TJP1: variants seen among roughly 807,000 people sequenced by gnomAD.
The protein encoded by TJP1 is tight junction protein ZO-1.
In TJP1, 43 loss-of-function variants were observed where a neutral mutation model predicts 194.2. The ratio of observed to expected loss-of-function variants is 0.22; its 90% CI spans 0.17 to 0.29. The LOEUF is 0.29. Ranked by LOEUF, TJP1 falls within the 10% of genes least tolerant of loss-of-function variation. The pLI is 1.00. For missense variants in TJP1, 1,971 were observed against 2,185.7 expected, an observed-to-expected ratio of 0.90 and a Z score of 1.96; for synonymous variants, 801 against 779.0, an observed-to-expected ratio of 1.03 and a Z score of -0.47.
At chr15:29,802,158 C>G (rs2048832269) in intron 1 of TJP1, among the ~76,000 whole-genome samples, 1 of 152,056 alleles carries the variant, frequency 6.6e-6, no homozygotes, top group Non-Finnish European at 1.5e-5. Context: ...TCAGAGTTAT[C>G]AAAAGGTAAA....
chr15:29,722,225 C>G (rs1036863516), intron 18 of TJP1, among the ~76,000 whole-genome samples: 1 of 152,140 alleles, frequency 6.6e-6, no homozygotes, highest in African/African-American at 2.4e-5. Flanking sequence ...ATTTTGGAGG[C>G]CTATGCGGCA....
intron 1 of TJP1, among the ~76,000 whole-genome samples, chr15:29,802,105 G>A (rs956544540): frequency 2.6e-5 from 4 of 151,906 alleles, no homozygotes; most frequent in African/African-American, 9.7e-5. Context: ...TATGAAACTG[G>A]GACTCCTAAA....
chr15:29,726,712 AAC>A, intron 17 of TJP1, 67 bp downstream of exon 17: 2 of 1,435,536 alleles, frequency 1.4e-6, no homozygotes, highest in Non-Finnish European at 1.9e-6. Flanking sequence ...TGAACACCGT[AAC>A]ATTTTGGCCT....
chr15:29,956,314 T>C, exon 2 of TJP1: 1 of 1,289,114 alleles, frequency 7.8e-7, no homozygotes, highest in African/African-American at 1.5e-5. Context: ...GGGTTTTCCT[T>C]GGCTGACACT....
At chr15:29,745,353 G>T (rs2044700264) in intron 8 of TJP1, among the ~76,000 whole-genome samples, 1 of 146,990 alleles carries the variant, frequency 6.8e-6, no homozygotes. Flanking sequence ...AAAATTTCCT[G>T]AATTAAGATA....
At chr15:29,833,881 A>ATT (rs10650949) in intron 2 of TJP1, among the ~76,000 whole-genome samples, 11 of 12,618 alleles carry the variant, frequency 8.7e-4, no homozygotes, top group Admixed American at 1.3e-3. Flanking sequence ...ATATATATAT[A>ATT]TTTTTTTTTT....
intron 1 of TJP1, among the ~76,000 whole-genome samples, chr15:29,807,154 G>T (rs1197174075): frequency 1.3e-5 from 2 of 152,146 alleles, no homozygotes; most frequent in Admixed American, 6.6e-5. Context: ...GGAAACAAAT[G>T]ATGAGATGGA....
At chr15:29,847,108 A>G (rs951604354) in intron 2 of TJP1, among the ~76,000 whole-genome samples, 1 of 151,986 alleles carries the variant, frequency 6.6e-6, no homozygotes, top group Non-Finnish European at 1.5e-5. Context: ...TTACTTGTTT[A>G]TTTAATTTTT....
At chr15:29,824,202 G>C (rs1185267316), upstream of TJP1, 1 of 147,458 alleles carries the variant, frequency 6.8e-6, no homozygotes, top group Admixed American at 6.9e-5. Context: ...CCCAGCACTT[G>C]AGAGGCCAAG....
rs1449852261 is a variant in TJP1 at position 29,796,710 on chromosome 15, T to C, written c.84+3936A>G. Among the ~76,000 whole-genome samples, 6 of 152,148 alleles carry C rather than the reference T, an allele frequency of 3.9e-5. No individual in the cohort carries two copies. The East Asian group carries it at 1.2e-3, about 29-fold the overall frequency. Reference sequence around the variant, plus strand: ...AATTTATACAGAAAGGCAAAGGAGCTAGAATAGCCAAAATAATTTTAAAAA... The same window carrying C: ...AATTTATACAGAAAGGCAAAGGAGCCAGAATAGCCAAAATAATTTTAAAAA... On this transcript the variant is annotated intron_variant, in intron 2 of 27. Coordinates refer to ENST00000614355, the MANE Select transcript of TJP1 (RefSeq NM_001330239.4).
intron 23 of TJP1, among the ~76,000 whole-genome samples, chr15:29,712,730 C>T (rs2042314723): frequency 6.8e-6 from 1 of 147,686 alleles, no homozygotes; most frequent in Admixed American, 6.8e-5. Flanking sequence ...TAATAGTGAG[C>T]AAAGAAATTT....
intron 8 of TJP1, 111 bp downstream of exon 8, chr15:29,761,028 T>C: frequency 1.6e-6 from 2 of 1,284,232 alleles, no homozygotes; most frequent in Non-Finnish European, 2.1e-6. Context: ...ACAGATCTAA[T>C]CTTGAATAAT....
At position 29,820,582 on chromosome 15, in the gene TJP1, T is replaced by TA. The variant is rs1300964273; in HGVS notation, c.27+1419dup. On this transcript the variant is annotated intron_variant, in intron 1 of 27. Transcript: ENST00000614355. ...TCTCTCCATACTTGAAATAACCTCT[T>TA]AAAAAGTGTGTTGTCTTGCATATTA... 5.6e-6 allele frequency: 4 copies of TA among 716,602 alleles called. No individual in the cohort carries two copies. The Admixed American group carries it at 8.0e-5, about 14-fold the overall frequency. The allele number at this position is 716,602 out of a possible 1,614,324, so 44.4% of individuals were successfully genotyped here.
At chr15:29,800,893 AG>A (rs2048739338) in intron 1 of TJP1, among the ~76,000 whole-genome samples, 191 bp from the exon 2 acceptor site, 1 of 152,240 alleles carries the variant, frequency 6.6e-6, no homozygotes, top group South Asian at 2.1e-4. Context: ...AACGACACAC[AG>A]GAACTTCCTT....
At chr15:29,784,787 T>C (rs36098166) in intron 2 of TJP1, among the ~76,000 whole-genome samples, 1 of 152,174 alleles carries the variant, frequency 6.6e-6, no homozygotes, top group African/African-American at 2.4e-5. Flanking sequence ...ATATATACTG[T>C]ACTTATTTAT....
intron 2 of TJP1, among the ~76,000 whole-genome samples, chr15:29,903,814 G>A (rs771366304): frequency 5.9e-5 from 9 of 152,154 alleles, no homozygotes; most frequent in Non-Finnish European, 1.2e-4. Context: ...GGGGAACTTC[G>A]GGGAAAAAGC....
intron 1 of TJP1, among the ~76,000 whole-genome samples, chr15:29,817,524 C>T (rs1448618255): frequency 6.6e-6 from 1 of 152,176 alleles, no homozygotes; most frequent in Non-Finnish European, 1.5e-5. Flanking sequence ...TATAAAGACA[C>T]ATGCACACAT....
At chr15:29,798,270 GTT>G (rs59427685) in intron 2 of TJP1, among the ~76,000 whole-genome samples, 114,248 of 144,764 alleles carry the variant, frequency 0.79, 45,292 homozygotes, top group East Asian at 0.86. Context: ...TGTGCCCAGC[GTT>G]TTTTTTTTTT....
chr15:29,702,375 T>C (rs1400730715), intron 27 of TJP1, among the ~76,000 whole-genome samples: 3 of 152,160 alleles, frequency 2.0e-5, no homozygotes, highest in Non-Finnish European at 2.9e-5. Context: ...AGGATTTAAG[T>C]TTTTAATAAG....
Sources: gnomAD v4.1 joint callset for allele counts (sites outside exome capture counted in the v4.1 genomes callset) on GRCh38, gnomAD v4.1.1 for gene constraint, MANE v1.5 for transcripts, NCBI Gene and HGNC (gene_info 2026-07-23, HGNC 2026-07-21) for gene names.